Variants in LRMDA observed in about 807,000 individuals in gnomAD.
LRMDA encodes the protein leucine-rich melanocyte differentiation-associated protein.
LRMDA carries 18 observed loss-of-function variants against 29.8 expected under a neutral mutation model. The observed-to-expected ratio is 0.60, with a 90% CI of 0.42 to 0.90. LRMDA has a LOEUF of 0.90. Ranked by LOEUF, LRMDA falls within the 40% of genes least tolerant of loss-of-function variation. The pLI is 0.00. For synonymous variants in LRMDA, 125 were observed against 109.4 expected (o/e 1.14, Z -0.89); for missense variants, 273 against 273.9 (o/e 1.00, Z 0.02).
intron 2 of LRMDA, among the ~76,000 whole-genome samples, chr10:75,457,465 C>G (rs1037215345): frequency 6.6e-6 from 1 of 152,280 alleles, no homozygotes; most frequent in South Asian, 2.1e-4. Flanking sequence ...ATGGGTTCTC[C>G]CATCAAACCT....
chr10:76,184,456 A>G (rs151026955), intron 5 of LRMDA, among the ~76,000 whole-genome samples: 26 of 152,374 alleles, frequency 1.7e-4, no homozygotes, highest in African/African-American at 5.8e-4. Context: ...ACAAAAGAAT[A>G]GAGAAAAATG....
At chr10:76,219,123 A>T (rs111339841) in intron 5 of LRMDA, among the ~76,000 whole-genome samples, 5 of 152,328 alleles carry the variant, frequency 3.3e-5, no homozygotes, top group African/African-American at 1.2e-4. Context: ...AGCACTAAAC[A>T]TGGAAAGGAA....
intron 2 of LRMDA, among the ~76,000 whole-genome samples, chr10:75,762,293 C>T (rs1843107124): frequency 6.6e-6 from 1 of 152,162 alleles, no homozygotes. Context: ...TCACATGTGG[C>T]CCAGGATGGC....
chr10:76,104,456 G>A (rs1271605939), intron 5 of LRMDA, among the ~76,000 whole-genome samples: 2 of 151,976 alleles, frequency 1.3e-5, no homozygotes, highest in Non-Finnish European at 2.9e-5. Context: ...GGTTCTGGCT[G>A]TGTCCATCCA....
intron 2 of LRMDA, among the ~76,000 whole-genome samples, chr10:75,880,385 C>G (rs925000158): frequency 2.0e-5 from 3 of 152,138 alleles, no homozygotes; most frequent in Non-Finnish European, 2.9e-5. Flanking sequence ...TTGCTAATAA[C>G]TCAATTAAAA....
At chr10:75,930,436 T>C (rs7070859) in intron 2 of LRMDA, among the ~76,000 whole-genome samples, 1 of 151,782 alleles carries the variant, frequency 6.6e-6, no homozygotes, top group Non-Finnish European at 1.5e-5. Flanking sequence ...AAATCTGGAC[T>C]TACTAGCTAA....
At chr10:76,507,763 A>G (rs1266155101) in intron 6 of LRMDA, among the ~76,000 whole-genome samples, 1 of 152,052 alleles carries the variant, frequency 6.6e-6, no homozygotes, top group Non-Finnish European at 1.5e-5. Flanking sequence ...TCCTTTCCCC[A>G]GTGTATGTTC....
chr10:75,782,850 A>C, intron 2 of LRMDA: 6 of 1,527,794 alleles, frequency 3.9e-6, no homozygotes, highest in Non-Finnish European at 5.3e-6. Context: ...TTTTAGTTTT[A>C]TTCTTTTTCC....
At chr10:75,686,114 A>C in intron 2 of LRMDA, among the ~76,000 whole-genome samples, 1 of 152,182 alleles carries the variant, frequency 6.6e-6, no homozygotes, top group East Asian at 1.9e-4. Flanking sequence ...TCTCTGCTGA[A>C]GGAACAACAG....
chr10:75,933,595 G>A (rs778455460), intron 2 of LRMDA, among the ~76,000 whole-genome samples: 3 of 152,150 alleles, frequency 2.0e-5, no homozygotes, highest in African/African-American at 2.4e-5. Flanking sequence ...GTTTGTAGCA[G>A]TAATTCCTGT....
chr10:76,142,209 G>C (rs1481351381), intron 5 of LRMDA, among the ~76,000 whole-genome samples: 1 of 151,966 alleles, frequency 6.6e-6, no homozygotes, highest in African/African-American at 2.4e-5. Flanking sequence ...GCATGGAATT[G>C]AATTAATCAT....
At chr10:75,477,737 A>G (rs1844813070) in intron 2 of LRMDA, among the ~76,000 whole-genome samples, 1 of 152,158 alleles carries the variant, frequency 6.6e-6, no homozygotes, top group Admixed American at 6.5e-5. Context: ...TTCCCACCAC[A>G]AGCAGTCCCC....
intron 6 of LRMDA, among the ~76,000 whole-genome samples, chr10:76,446,971 C>T (rs541512517): frequency 5.5e-4 from 83 of 152,074 alleles, no homozygotes; most frequent in Admixed American, 2.9e-3. Flanking sequence ...GTTTAAATTG[C>T]TTCTCAGTAG....
chr10:76,193,476 T>A (rs1294188980), intron 5 of LRMDA, among the ~76,000 whole-genome samples: 1 of 152,178 alleles, frequency 6.6e-6, no homozygotes, highest in Admixed American at 6.5e-5. Flanking sequence ...CCAAGAACTT[T>A]CCCAGAAAAT....
intron 5 of LRMDA, among the ~76,000 whole-genome samples, chr10:76,186,227 G>A (rs574601849): frequency 6.6e-6 from 1 of 152,262 alleles, no homozygotes; most frequent in Non-Finnish European, 1.5e-5. Context: ...CCAGATGGGC[G>A]GCCTGGAAGG....
At chr10:75,987,351 G>T (rs1482906434) in intron 2 of LRMDA, among the ~76,000 whole-genome samples, 14 of 152,126 alleles carry the variant, frequency 9.2e-5, no homozygotes, top group Admixed American at 9.2e-4. Flanking sequence ...CTTTGTTGTG[G>T]AGAGTTATCC....
intron 5 of LRMDA, among the ~76,000 whole-genome samples, chr10:76,184,256 C>T (rs1851107006): frequency 6.6e-6 from 1 of 151,894 alleles, no homozygotes; most frequent in Non-Finnish European, 1.5e-5. Context: ...GTTTCGAGCT[C>T]CTGACCTCAA....
intron 2 of LRMDA, among the ~76,000 whole-genome samples, chr10:75,853,012 A>G (rs1005645697): frequency 2.0e-5 from 3 of 152,092 alleles, no homozygotes; most frequent in Non-Finnish European, 2.9e-5. Flanking sequence ...AAAGGGGGAA[A>G]AGCCCCTTAT....
chr10:75,444,824 A>G (rs1048189341), intron 2 of LRMDA, among the ~76,000 whole-genome samples: 6 of 152,170 alleles, frequency 3.9e-5, no homozygotes, highest in South Asian at 2.1e-4. Context: ...TTATCATTGT[A>G]TTGTCTTCCT....
Sources: gnomAD v4.1 joint callset for allele counts (sites outside exome capture counted in the v4.1 genomes callset) on GRCh38, gnomAD v4.1.1 for gene constraint, MANE v1.5 for transcripts, NCBI Gene and HGNC (gene_info 2026-07-23, HGNC 2026-07-21) for gene names.